Variants in TANGO6 observed in about 807,000 individuals in gnomAD.
TANGO6 encodes transport and Golgi organization protein 6 homolog.
In TANGO6, 90 loss-of-function variants were observed where a neutral mutation model predicts 114.2. The ratio of observed to expected loss-of-function variants is 0.79; its 90% CI spans 0.66 to 0.94. The LOEUF (loss-of-function observed/expected upper bound fraction) is 0.94, where lower values mean the gene tolerates loss of function less well. Among genes scored for constraint, TANGO6 ranks in the 40% least tolerant of loss-of-function variants. The pLI, the probability that TANGO6 is intolerant of heterozygous loss-of-function variation, is 0.00. For synonymous variants in TANGO6, 477 were observed against 509.8 expected (o/e 0.94, Z 0.87); for missense variants, 1,274 against 1,315.3 (o/e 0.97, Z 0.49).
chr16:68,922,404 C>T (rs1379495590), intron 12 of TANGO6, among the ~76,000 whole-genome samples: 40 of 152,030 alleles, frequency 2.6e-4, no homozygotes, highest in African/African-American at 8.4e-4. Flanking sequence ...GGCTTGGTGG[C>T]GCGTGCCTAT....
chr16:69,001,844 T>C (rs1308880865), intron 15 of TANGO6, among the ~76,000 whole-genome samples: 2 of 152,210 alleles, frequency 1.3e-5, no homozygotes, highest in African/African-American at 4.8e-5. Context: ...ACTTTTTTCA[T>C]TTAAATATGA....
At chr16:69,047,038 G>T (rs1446433353) in intron 17 of TANGO6, among the ~76,000 whole-genome samples, 1 of 148,968 alleles carries the variant, frequency 6.7e-6, no homozygotes, top group African/African-American at 2.5e-5. Flanking sequence ...AAGATTAGCT[G>T]GGCGTGGTGG....
At chr16:69,011,742 A>G (rs2152224317) in intron 15 of TANGO6, among the ~76,000 whole-genome samples, 1 of 152,302 alleles carries the variant, frequency 6.6e-6, no homozygotes. Context: ...CAGATTTGAC[A>G]GCACCCCTCT....
At chr16:69,012,580 G>GAAAAAAAAAAAAAAAAAAAAAAAA (rs745623750) in intron 15 of TANGO6, among the ~76,000 whole-genome samples, 1 of 108,542 alleles carries the variant, frequency 9.2e-6, no homozygotes, top group Non-Finnish European at 1.9e-5. Flanking sequence ...AAAAAAAAAG[G>GAAAAAAAAAAAAAAAAAAAAAAAA]AAAAAAAAAA....
At chr16:68,847,805 G>T (rs990341085) in intron 1 of TANGO6, among the ~76,000 whole-genome samples, 57 of 152,190 alleles carry the variant, frequency 3.7e-4, no homozygotes, top group African/African-American at 1.3e-3. Context: ...TTCGAGACCA[G>T]CCTGGCCAAC....
At chr16:68,863,402 G>T (rs1156391450) in intron 3 of TANGO6, among the ~76,000 whole-genome samples, 2 of 152,080 alleles carry the variant, frequency 1.3e-5, no homozygotes, top group Non-Finnish European at 2.9e-5. Context: ...GAGGTCGTGA[G>T]TTCGAGACCA....
chr16:68,958,439 A>T (rs1963556338), intron 14 of TANGO6, among the ~76,000 whole-genome samples: 1 of 144,410 alleles, frequency 6.9e-6, no homozygotes, highest in African/African-American at 2.5e-5. Context: ...CAGTGAGCTG[A>T]GATCGCGCCA....
At chr16:68,978,810 C>A (rs1229499500) in intron 15 of TANGO6, among the ~76,000 whole-genome samples, 1 of 151,832 alleles carries the variant, frequency 6.6e-6, no homozygotes, top group African/African-American at 2.4e-5. Flanking sequence ...CCTAGCCACA[C>A]CTACTTGTCT....
chr16:69,025,417 G>A (rs1250324555), intron 16 of TANGO6, among the ~76,000 whole-genome samples: 3 of 152,160 alleles, frequency 2.0e-5, no homozygotes. Context: ...TACTGACTGA[G>A]TCTGGGGTCT....
intron 15 of TANGO6, among the ~76,000 whole-genome samples, chr16:69,021,346 T>TA (rs1373665922): frequency 1.3e-5 from 2 of 152,174 alleles, no homozygotes; most frequent in African/African-American, 4.8e-5. Flanking sequence ...ACATGACTGA[T>TA]ACGCTCACCT....
intron 15 of TANGO6, among the ~76,000 whole-genome samples, chr16:68,978,375 C>T (rs1032610213): frequency 6.6e-6 from 1 of 152,178 alleles, no homozygotes; most frequent in Non-Finnish European, 1.5e-5. Flanking sequence ...AGCCCAATTT[C>T]CAAAACAGCC....
Position 69,072,181 on chromosome 16 carries a change from TAAAG to T in TANGO6, c.3109-11301_3109-11298del, listed in dbSNP as rs979223004. On this transcript the variant is annotated intron_variant, in intron 17 of 17. Coordinates refer to ENST00000261778, the MANE Select transcript of TANGO6 (RefSeq NM_024562.2). ...ACATGCGCTCTCTAAATTCTTTTGATAAAGAATCTGAACGCCACTCCCTTCCAAA... is the reference window on the plus strand; with the variant it reads ...ACATGCGCTCTCTAAATTCTTTTGATAATCTGAACGCCACTCCCTTCCAAA... Among the ~76,000 whole-genome samples, 16 of 151,634 alleles carry T rather than the reference TAAAG, an allele frequency of 1.1e-4. No individual in the cohort carries two copies. The South Asian group carries it at 2.9e-3, about 28-fold the overall frequency.
At chr16:68,939,542 A>T (rs959612710) in intron 14 of TANGO6, among the ~76,000 whole-genome samples, 45 of 150,096 alleles carry the variant, frequency 3.0e-4, no homozygotes, top group African/African-American at 9.8e-4. Flanking sequence ...TGTTAGGGAT[A>T]TTGTCTAAGC....
chr16:69,014,771 T>C (rs1463521275), intron 15 of TANGO6, among the ~76,000 whole-genome samples: 1 of 151,738 alleles, frequency 6.6e-6, no homozygotes, highest in Non-Finnish European at 1.5e-5. Flanking sequence ...GGTGTGCATC[T>C]ATAGTCCCAC....
Position 68,859,798 on chromosome 16 carries a change from G to C in TANGO6, c.95-86G>C, listed in dbSNP as rs142268675. 719 of 1,410,758 alleles carry C rather than the reference G, an allele frequency of 5.1e-4. 2 individuals are homozygous for C. In the African/African-American group the frequency reaches 9.7e-3, roughly 19 times the overall value. The allele number at this position is 1,410,758 out of a possible 1,614,324, so 87.4% of individuals were successfully genotyped here. A position where few individuals can be genotyped will look rare whatever the true frequency, so the allele number is the denominator to read the frequency against. On this transcript the variant is annotated intron_variant, in intron 1 of 17. Coordinates refer to ENST00000261778, the MANE Select transcript of TANGO6 (RefSeq NM_024562.2). Reference sequence around the variant, plus strand: ...ACAGTGGCGCCCGGCCTGCGAGGATGAACTGGAGTAGGCAGGGCATTCCAC... The same window carrying C: ...ACAGTGGCGCCCGGCCTGCGAGGATCAACTGGAGTAGGCAGGGCATTCCAC...
At chr16:68,939,072 CAAAA>C (rs752047565) in intron 14 of TANGO6, among the ~76,000 whole-genome samples, 51 of 57,030 alleles carry the variant, frequency 8.9e-4, no homozygotes, top group Non-Finnish European at 3.9e-4. Flanking sequence ...ACCCTGTCCC[CAAAA>C]AAAAAAAAAA....
intron 14 of TANGO6, among the ~76,000 whole-genome samples, chr16:68,951,736 C>T (rs952623110): frequency 6.6e-6 from 1 of 151,910 alleles, no homozygotes; most frequent in African/African-American, 2.4e-5. Flanking sequence ...CCTCAGCCTC[C>T]TGAGTAGCTG....
At chr16:69,006,899 CA>C (rs1349734732) in intron 15 of TANGO6, among the ~76,000 whole-genome samples, 1 of 152,212 alleles carries the variant, frequency 6.6e-6, no homozygotes, top group African/African-American at 2.4e-5. Context: ...ACATTTTCAT[CA>C]CCCCAAAAGC....
intron 15 of TANGO6, among the ~76,000 whole-genome samples, chr16:69,014,374 C>T (rs1959254890): frequency 6.6e-6 from 1 of 152,170 alleles, no homozygotes; most frequent in Non-Finnish European, 1.5e-5. Flanking sequence ...TCCTTCACAA[C>T]TCCTTGTCCA....
Sources: allele counts gnomAD v4.1 joint callset (sites outside exome capture counted in the v4.1 genomes callset), GRCh38; gene constraint gnomAD v4.1.1; transcripts MANE v1.5; gene names NCBI Gene and HGNC (gene_info 2026-07-23, HGNC 2026-07-21).